The following FERMT2 variants were observed in gnomAD, a reference collection of about 807,000 sequenced individuals.
The protein encoded by FERMT2 is FERM domain containing kindlin 2.
Under a neutral mutation model 82.7 loss-of-function variants are expected in FERMT2, and 15 were observed. The observed-to-expected ratio is 0.18, with a 90% CI of 0.12 to 0.28. FERMT2 has a LOEUF of 0.28. Among genes scored for constraint, FERMT2 ranks in the 10% least tolerant of loss-of-function variants. The pLI is 1.00. For synonymous variants in FERMT2, 274 were observed against 271.5 expected (o/e 1.01, Z -0.09); for missense variants, 645 against 809.4 (o/e 0.80, Z 2.46).
At chr14:52,869,610 T>C (rs1385699231) in intron 10 of FERMT2, among the ~76,000 whole-genome samples, 2 of 152,156 alleles carry the variant, frequency 1.3e-5, no homozygotes, top group African/African-American at 2.4e-5. Flanking sequence ...AATAGAAAGA[T>C]GTAGCATGTA....
At chr14:52,940,479 G>A (rs1566762972) in intron 2 of FERMT2, among the ~76,000 whole-genome samples, 1 of 152,116 alleles carries the variant, frequency 6.6e-6, no homozygotes, top group South Asian at 2.1e-4. Flanking sequence ...CTCAAAGAAG[G>A]GAAATAGATC....
At chr14:52,950,764 T>G in intron 1 of FERMT2, 157 bp downstream of exon 1, 1 of 535,602 alleles carries the variant, frequency 1.9e-6, no homozygotes, top group East Asian at 3.5e-5. Flanking sequence ...CCCCGCAGCG[T>G]TCCTCGGTCC....
chr14:52,903,467 G>A (rs899856431), intron 3 of FERMT2, among the ~76,000 whole-genome samples: 5 of 152,010 alleles, frequency 3.3e-5, no homozygotes, highest in Admixed American at 2.6e-4. Flanking sequence ...GAGGCCAGGA[G>A]TTAGAGATTA....
chr14:52,871,490 C>T (rs1885620678), intron 10 of FERMT2: 1 of 152,200 alleles, frequency 6.6e-6, no homozygotes, highest in African/African-American at 2.4e-5. Context: ...GTGAGAGGCT[C>T]ATTAACGCTC....
chr14:52,875,476 C>T (rs991386425), intron 7 of FERMT2, 119 bp from the exon 8 acceptor site: 1 of 659,472 alleles, frequency 1.5e-6, no homozygotes, highest in Non-Finnish European at 2.5e-6. Context: ...ACAGAAGCGT[C>T]TAGGAACTAG....
rs1297017721 is a variant in FERMT2 at position 52,858,529 on chromosome 14, C to T, written c.1891G>A (p.Glu631Lys). ...GTACAAATGAAGGACAATCGTACTT[C>T]ATCTGCAAACTCTACGGTGACCTGG... ...IKMVTVEFAD[E>K]VRLSFICTEV... Residue 631 changes from glutamate to lysine, a missense_variant, in exon 15 of 15, where the codon GAA becomes AAA. Coordinates refer to ENST00000341590, the MANE Select transcript of FERMT2 (RefSeq NM_006832.3). 6.2e-7 allele frequency: 1 copy of T among 1,614,094 alleles called. No homozygotes were observed. The highest frequency in any genetic ancestry group is 1.7e-5 in the Admixed American group (1 of 60,018).
intron 3 of FERMT2, among the ~76,000 whole-genome samples, chr14:52,895,535 G>C (rs1887207200): frequency 6.6e-6 from 1 of 152,170 alleles, no homozygotes; most frequent in Non-Finnish European, 1.5e-5. Flanking sequence ...GCAATAAAAT[G>C]AATGACTCTC....
At chr14:52,859,383 G>T (rs1884761956) in intron 14 of FERMT2, 190 bp downstream of exon 14, 2 of 516,792 alleles carry the variant, frequency 3.9e-6, no homozygotes, top group Non-Finnish European at 6.3e-6. Flanking sequence ...TATGCACTTA[G>T]AATTTTAGTA....
intron 3 of FERMT2, among the ~76,000 whole-genome samples, chr14:52,910,344 T>C (rs998529512): frequency 2.0e-5 from 3 of 152,264 alleles, no homozygotes; most frequent in Admixed American, 6.5e-5. Flanking sequence ...AAATGACATG[T>C]CCTATTGATA....
intron 14 of FERMT2, 126 bp downstream of exon 14, chr14:52,859,447 T>G: frequency 1.1e-6 from 1 of 888,718 alleles, no homozygotes; most frequent in Admixed American, 3.3e-5. Flanking sequence ...TAGTCAACCA[T>G]GGTCTGTCTG....
chr14:52,938,970 C>CT (rs1889971394), intron 2 of FERMT2, among the ~76,000 whole-genome samples: 1 of 152,026 alleles, frequency 6.6e-6, no homozygotes, highest in South Asian at 2.1e-4. Context: ...GATCTTCATA[C>CT]TTTAATTCTT....
At chr14:52,928,533 T>C (rs999781083) in intron 2 of FERMT2, 3 of 152,288 alleles carry the variant, frequency 2.0e-5, no homozygotes, top group African/African-American at 4.8e-5. Context: ...CTCCTGCTTT[T>C]CAGGCTACTT....
At chr14:52,918,463 C>T (rs1888753982) in intron 3 of FERMT2, among the ~76,000 whole-genome samples, 1 of 152,086 alleles carries the variant, frequency 6.6e-6, no homozygotes, top group Admixed American at 6.5e-5. Context: ...TAAAAAACTG[C>T]AGTACTTTAT....
chr14:52,880,803 A>G (rs987336729), intron 6 of FERMT2, among the ~76,000 whole-genome samples: 10 of 152,158 alleles, frequency 6.6e-5, no homozygotes, highest in Admixed American at 2.0e-4. Flanking sequence ...ATCAGCCAAA[A>G]GTTTCATTAT....
chr14:52,874,909 G>T (rs1355147500), intron 8 of FERMT2, among the ~76,000 whole-genome samples: 2 of 152,106 alleles, frequency 1.3e-5, no homozygotes, highest in East Asian at 3.9e-4. Context: ...TAAAAAATTA[G>T]CCAGGTGTGG....
intron 2 of FERMT2, among the ~76,000 whole-genome samples, chr14:52,921,772 A>C (rs1888969588): frequency 6.6e-6 from 1 of 152,204 alleles, no homozygotes; most frequent in Non-Finnish European, 1.5e-5. Context: ...TAGACTTTAG[A>C]ACATTTCAGA....
At chr14:52,873,746 TGATCA>T (rs1294707218) in intron 9 of FERMT2, 2 of 153,902 alleles carry the variant, frequency 1.3e-5, no homozygotes, top group African/African-American at 4.8e-5. Context: ...TTAAAAATCT[TGATCA>T]GATATACTAG....
At chr14:52,877,373 G>A (rs777750589) in intron 7 of FERMT2, among the ~76,000 whole-genome samples, 2 of 151,962 alleles carry the variant, frequency 1.3e-5, no homozygotes, top group Non-Finnish European at 1.5e-5. Flanking sequence ...CCAACAAACT[G>A]CTCCAGAATT....
At chr14:52,881,829 C>CTA (rs968097795) in intron 4 of FERMT2, 3 of 1,285,634 alleles carry the variant, frequency 2.3e-6, no homozygotes, top group African/African-American at 3.0e-5. Context: ...ACATCAGTGC[C>CTA]TATAGGAAAG....
Sources: allele counts gnomAD v4.1 joint callset (sites outside exome capture counted in the v4.1 genomes callset), GRCh38; gene constraint gnomAD v4.1.1; transcripts MANE v1.5; gene names NCBI Gene and HGNC (gene_info 2026-07-23, HGNC 2026-07-21).